SLF2: variants seen among roughly 807,000 people sequenced by gnomAD.
SLF2 encodes the protein SMC5/6 complex localization factor 2, also known as SMC5-SMC6 complex localization factor protein 2.
SLF2 carries 68 observed loss-of-function variants against 124.3 expected under a neutral mutation model. The observed-to-expected ratio is 0.55, with a 90% CI of 0.45 to 0.67. The LOEUF (loss-of-function observed/expected upper bound fraction) is 0.67, where lower values mean the gene tolerates loss of function less well. SLF2 is among the 30% of genes least tolerant of loss of function. SLF2 has a pLI of 0.00. For synonymous variants in SLF2, 480 were observed against 478.8 expected (o/e 1.00, Z -0.03); for missense variants, 1,246 against 1,373.7 (o/e 0.91, Z 1.47).
At position 100,956,314 on chromosome 10, in the gene SLF2, C is replaced by G. The variant is rs894472098; in HGVS notation, c.3331-137C>G. The G allele has an allele frequency of 6.5e-6, 4 of 610,994 alleles. No individual in the cohort carries two copies. The South Asian group carries it at 7.1e-5, about 11-fold the overall frequency. The allele number at this position is 610,994 out of a possible 1,614,324, so 37.8% of individuals were successfully genotyped here. The stretch of plus-strand genomic sequence containing the variant: ...GCTTTCACTGATACAACTACTGTTA[C>G]GTTGAATAGTTAATATCAGTCATTG... On this transcript the variant is annotated intron_variant, in intron 17 of 19. Transcript: ENST00000238961.
chr10:100,917,437 A>C (rs748052096), intron 3 of SLF2, 137 bp downstream of exon 3: 188 of 998,532 alleles, frequency 1.9e-4, no homozygotes, highest in Non-Finnish European at 2.5e-4. Flanking sequence ...TTTGTGTAGA[A>C]GCTGGTTTCA....
intron 6 of SLF2, among the ~76,000 whole-genome samples, chr10:100,927,688 A>T (rs111817187): frequency 2.0e-5 from 3 of 152,344 alleles, no homozygotes; most frequent in Non-Finnish European, 4.4e-5. Flanking sequence ...TGGCTGCACC[A>T]TTGCACATTT....
intron 4 of SLF2, among the ~76,000 whole-genome samples, chr10:100,920,846 G>A (rs1365089695): frequency 6.6e-6 from 1 of 152,184 alleles, no homozygotes; most frequent in Non-Finnish European, 1.5e-5. Context: ...CTACTCAGGA[G>A]GCCAAGGCAG....
chr10:100,916,614 G>C lies in SLF2; in HGVS notation c.229G>C (p.Gly77Arg). The change falls in exon 3 of 20, where the codon GGA becomes CGA. Residue 77 changes from glycine (G) to arginine (R), a missense_variant. By Grantham distance (125) the Gly-to-Arg change is moderately radical. Transcript: ENST00000238961. ...ACCACAAAAATCAAACATCAAATAT[G>C]GAGGAAGTAGATTGTCTATCACTGG... ...DSPQKSNIKY[G>R]GSRLSITGTE... The C allele has an allele frequency of 7.0e-7, 1 of 1,434,578 alleles. No individual in the cohort carries two copies. Among genetic ancestry groups the C allele is most frequent in the East Asian group, 2.5e-5 (1 of 40,654 alleles). The allele number at this position is 1,434,578 out of a possible 1,614,324, so 88.9% of individuals were successfully genotyped here.
chr10:100,933,938 C>T (rs1437928673), intron 9 of SLF2, among the ~76,000 whole-genome samples: 1 of 152,166 alleles, frequency 6.6e-6, no homozygotes, highest in Non-Finnish European at 1.5e-5. Context: ...CTCGGCCTCC[C>T]AAAGTTCTGG....
chr10:100,923,065 C>T (rs575268564), intron 4 of SLF2, among the ~76,000 whole-genome samples: 12 of 152,084 alleles, frequency 7.9e-5, no homozygotes, highest in African/African-American at 1.9e-4. Context: ...TGTGACCCAC[C>T]GCACTCAGCC....
rs1352554563 is a variant in SLF2, at chr10:100,956,495, A to G, written c.3375A>G (p.Lys1125=). 2 of 1,613,188 alleles carry G rather than the reference A, an allele frequency of 1.2e-6. No homozygotes were observed. Among genetic ancestry groups the G allele is most frequent in the Non-Finnish European group, 1.7e-6 (2 of 1,179,800 alleles). ...GTGGGGCTTTGGAAAAGCATGTTAA[A>G]TGTGATATTAGGGAAGATGCAAGAC... ...LLCGALEKHV[K]CDIREDARLF... The change falls in exon 18 of 20, where the codon AAA becomes AAG. Residue 1125 remains lysine, a synonymous_variant. Transcript: ENST00000238961.
chr10:100,945,532 T>A, intron 13 of SLF2, 26 bp downstream of exon 13: 1 of 1,496,506 alleles, frequency 6.7e-7, no homozygotes, highest in Non-Finnish European at 8.9e-7. Context: ...ACTTCATTAT[T>A]CATTTTTTAT....
chr10:100,959,724 T>C, intron 19 of SLF2: 1 of 660,326 alleles, frequency 1.5e-6, no homozygotes, highest in Non-Finnish European at 2.2e-6. Flanking sequence ...AAATATTGCA[T>C]TGCATCAAAT....
intron 9 of SLF2, 62 bp from the exon 10 acceptor site, chr10:100,937,339 CA>C: frequency 1.5e-6 from 2 of 1,304,384 alleles, no homozygotes; most frequent in Non-Finnish European, 2.2e-6. Context: ...ATGTGCCTAG[CA>C]AATAATGAAT....
intron 11 of SLF2, chr10:100,943,778 G>T: frequency 2.8e-6 from 1 of 360,658 alleles, no homozygotes; most frequent in South Asian, 4.9e-5. Flanking sequence ...CTTGAGTCAG[G>T]GATAGCAGAT....
chr10:100,930,976 A>G lies in SLF2; in HGVS notation c.2334A>G (p.Lys778=). 2 of 1,612,630 alleles carry G rather than the reference A, an allele frequency of 1.2e-6. No individual in the cohort carries two copies. The highest frequency in any genetic ancestry group is 1.7e-6 in the Non-Finnish European group (2 of 1,179,068). The change falls in exon 9 of 20, where the codon AAA becomes AAG. Residue 778 remains lysine (K), a splice_region_variant and synonymous_variant. Transcript: ENST00000238961. ...GQSAVEKLIL[K]SGKTDQIFLT... ...TGTTGATTTTACTTTATTTTTTCAG[A>G]TCGGGAAAAACAGATCAGATTTTTT...
intron 16 of SLF2, 148 bp downstream of exon 16, chr10:100,950,355 T>G (rs1373975528): frequency 4.1e-6 from 4 of 983,662 alleles, no homozygotes; most frequent in Non-Finnish European, 5.7e-6. Flanking sequence ...TATTTTTAAT[T>G]TATCACTGTC....
rs563449791 is a variant in SLF2 at position 100,938,160 on chromosome 10, C to T, written c.2513-435C>T. On this transcript the variant is annotated intron_variant, in intron 10 of 19. Transcript: ENST00000238961. ...CAGTAAGGCATATTGAAAGCATCCA[C>T]TGTAAAAGTGTAACATTTGCTTTCT... Among the ~76,000 whole-genome samples, 8 of 152,296 alleles carry T rather than the reference C, an allele frequency of 5.3e-5. No homozygotes were observed. The South Asian group carries it at 1.7e-3, about 32-fold the overall frequency.
rs1850483535 is a variant in SLF2, at chr10:100,964,955, C to G, written c.*3043C>G. 2 of 152,396 alleles carry G rather than the reference C, an allele frequency of 1.3e-5. No homozygotes were observed. Among genetic ancestry groups the G allele is most frequent in the African/African-American group, 2.4e-5 (1 of 41,382 alleles). The allele number at this position is 152,396 out of a possible 1,614,324, so 9.4% of individuals were successfully genotyped here. On this transcript the variant is annotated 3_prime_UTR_variant, in exon 20 of 20. Transcript: ENST00000238961. Reference sequence around the variant, plus strand: ...GAACAGTGTCGGCGCACCTCATTATCTGTGCATTTGTTTTTCCTGGGCAGT... The same window carrying G: ...GAACAGTGTCGGCGCACCTCATTATGTGTGCATTTGTTTTTCCTGGGCAGT...
At chr10:100,956,676 A>G (rs1012165155) in intron 18 of SLF2, 139 bp downstream of exon 18, 13 of 590,184 alleles carry the variant, frequency 2.2e-5, no homozygotes, top group South Asian at 5.2e-5. Flanking sequence ...TGTAATCCCA[A>G]TACTTTGGGA....
rs1483445485 is a variant in SLF2, at chr10:100,950,152, C to T, written c.3197C>T (p.Ala1066Val). Reference sequence around the variant, plus strand: ...AAGAAAATGGTCTTGAAGAAAAAGGCTGAACAACCAGATGGCATTATTGAT... The same window carrying T: ...AAGAAAATGGTCTTGAAGAAAAAGGTTGAACAACCAGATGGCATTATTGAT... ...LLKKMVLKKK[A>V]EQPDGIIDDS... is the part of the protein sequence containing the mutation. The change falls in exon 16 of 20, where the codon GCT (alanine) becomes GTT (valine). Residue 1066 changes from alanine (A) to valine (V), a missense_variant. Ala to Val is a moderately conservative substitution (Grantham distance 64). Transcript: ENST00000238961. 6.2e-7 allele frequency: 1 copy of T among 1,613,802 alleles called. No homozygotes were observed.
rs1204865839 is a variant in SLF2 at position 100,913,085 on chromosome 10, A to G, written c.-26A>G. The G allele has an allele frequency of 6.2e-7, 1 of 1,607,558 alleles. No individual in the cohort carries two copies. Among genetic ancestry groups the G allele is most frequent in the East Asian group, 2.3e-5 (1 of 44,238 alleles). ...CACCCAACTTCTCCAGCCACGGCTC[A>G]TGCCGCCGTCGCCAGCGGCGCCGAC... On this transcript the variant is annotated 5_prime_UTR_variant, in exon 1 of 20. The change abolishes an upstream ATG in the 5' untranslated region. Coordinates refer to ENST00000238961, the MANE Select transcript of SLF2 (RefSeq NM_018121.4).
intron 11 of SLF2, among the ~76,000 whole-genome samples, chr10:100,942,936 T>G (rs967128549): frequency 5.4e-5 from 7 of 129,672 alleles, no homozygotes; most frequent in African/African-American, 2.0e-4. Context: ...ACCCACTCTC[T>G]CATCATTTGA....
Sources: allele counts gnomAD v4.1 joint callset (sites outside exome capture counted in the v4.1 genomes callset), GRCh38; gene constraint gnomAD v4.1.1; transcripts MANE v1.5; gene names NCBI Gene and HGNC (gene_info 2026-07-23, HGNC 2026-07-21).